The following TENM2 variants were observed in gnomAD, a reference collection of about 807,000 sequenced individuals.
TENM2 encodes the protein teneurin transmembrane protein 2.
TENM2 carries 52 observed loss-of-function variants against 245.2 expected under a neutral mutation model. That is an observed-to-expected ratio of 0.21 (90% confidence interval 0.17 to 0.27). TENM2 has a LOEUF of 0.27. TENM2 is among the 10% of genes least tolerant of loss of function. TENM2 has a pLI of 1.00. For missense variants in TENM2, 3,046 were observed against 3,666.8 expected, an observed-to-expected ratio of 0.83 and a Z score of 4.37; for synonymous variants, 1,363 against 1,438.9, an observed-to-expected ratio of 0.95 and a Z score of 1.19.
intron 26 of TENM2, among the ~76,000 whole-genome samples, chr5:168,245,574 A>T (rs11134496): frequency 0.13 from 6,814 of 51,620 alleles, 213 homozygotes; most frequent in African/African-American, 0.18. Context: ...AGTGGCGGTA[A>T]AAAAAAAAAA....
At chr5:168,142,090 T>G (rs1755601655) in intron 12 of TENM2, among the ~76,000 whole-genome samples, 2 of 152,188 alleles carry the variant, frequency 1.3e-5, no homozygotes. Context: ...AGAGAAAGAA[T>G]GTCCATTCAA....
chr5:167,755,344 G>T (rs1762240638), intron 2 of TENM2, among the ~76,000 whole-genome samples: 1 of 151,860 alleles, frequency 6.6e-6, no homozygotes, highest in Non-Finnish European at 1.5e-5. Context: ...CACCGCAGTT[G>T]TCTTAACAGT....
the TENM2 span, among the ~76,000 whole-genome samples, chr5:167,261,088 T>G: frequency 6.6e-6 from 1 of 152,160 alleles, no homozygotes; most frequent in African/African-American, 2.4e-5. Flanking sequence ...ACTTGGAAAT[T>G]TGTTAGAAAT....
At chr5:167,640,213 A>G (rs1193464393) in intron 2 of TENM2, among the ~76,000 whole-genome samples, 1 of 152,200 alleles carries the variant, frequency 6.6e-6, no homozygotes, top group South Asian at 2.1e-4. Context: ...CAAGTCACGT[A>G]ACCTCCCCGG....
chr5:167,555,851 C>T (rs1182231462), intron 2 of TENM2, among the ~76,000 whole-genome samples: 4 of 152,040 alleles, frequency 2.6e-5, no homozygotes, highest in Admixed American at 6.6e-5. Context: ...TGAGCTTGGT[C>T]GAGCCTTTTC....
chr5:167,421,549 C>A (rs192514902), intron 2 of TENM2, among the ~76,000 whole-genome samples: 1 of 152,194 alleles, frequency 6.6e-6, no homozygotes, highest in African/African-American at 2.4e-5. Flanking sequence ...TGTGGAGATA[C>A]GTTCAATGGG....
intron 4 of TENM2, among the ~76,000 whole-genome samples, chr5:167,954,624 G>T (rs1378314080): frequency 6.6e-6 from 1 of 151,866 alleles, no homozygotes; most frequent in Non-Finnish European, 1.5e-5. Context: ...CTAGGCCCCT[G>T]CCCCCTCACA....
intron 2 of TENM2, among the ~76,000 whole-genome samples, chr5:167,422,209 A>G (rs185342018): frequency 6.6e-6 from 1 of 152,350 alleles, no homozygotes; most frequent in East Asian, 1.9e-4. Context: ...TTCGACAAAT[A>G]GCACAATTAT....
At chr5:167,594,287 A>T (rs1353909135) in intron 2 of TENM2, among the ~76,000 whole-genome samples, 1 of 152,220 alleles carries the variant, frequency 6.6e-6, no homozygotes, top group Non-Finnish European at 1.5e-5. Context: ...GATAGATAAC[A>T]TCAGACTTTG....
chr5:168,155,717 C>T (rs1219153053), intron 12 of TENM2, among the ~76,000 whole-genome samples: 1 of 151,742 alleles, frequency 6.6e-6, no homozygotes, highest in Non-Finnish European at 1.5e-5. Flanking sequence ...AGAGAAATGA[C>T]CTACACTTCA....
intron 10 of TENM2, among the ~76,000 whole-genome samples, chr5:168,120,374 G>A (rs1210135644): frequency 6.6e-6 from 1 of 152,196 alleles, no homozygotes; most frequent in Non-Finnish European, 1.5e-5. Flanking sequence ...TGGATTGCAG[G>A]AGGCAAAGCT....
At chr5:167,302,205 G>A (rs1267108893) in intron 1 of TENM2, among the ~76,000 whole-genome samples, 1 of 152,166 alleles carries the variant, frequency 6.6e-6, no homozygotes, top group Admixed American at 6.5e-5. Flanking sequence ...AAAATGGAAA[G>A]TGCCATTTTC....
chr5:167,536,959 G>C (rs1771890026), intron 2 of TENM2, among the ~76,000 whole-genome samples: 3 of 152,070 alleles, frequency 2.0e-5, no homozygotes. Context: ...GGGAGGTGGA[G>C]GTTGCAGTGA....
chr5:167,707,987 A>G (rs548443356), intron 2 of TENM2, among the ~76,000 whole-genome samples: 17 of 152,172 alleles, frequency 1.1e-4, no homozygotes, highest in Non-Finnish European at 2.1e-4. Context: ...TGGTCCAAGC[A>G]TTTGTTGGGT....
the TENM2 span, among the ~76,000 whole-genome samples, chr5:167,079,258 CAT>C: frequency 0.033 from 4,690 of 140,704 alleles, 98 homozygotes; most frequent in South Asian, 0.09. Context: ...TATATACATC[CAT>C]ATATATATAT....
intron 5 of TENM2, among the ~76,000 whole-genome samples, chr5:168,029,613 T>C (rs965049283): frequency 6.6e-6 from 1 of 152,204 alleles, no homozygotes; most frequent in Non-Finnish European, 1.5e-5. Context: ...ACTGTGCACC[T>C]GCTTCAGGTC....
chr5:167,496,434 A>G (rs1562002693), intron 2 of TENM2, among the ~76,000 whole-genome samples: 2 of 152,112 alleles, frequency 1.3e-5, no homozygotes, highest in African/African-American at 4.8e-5. Flanking sequence ...CTGAACAACA[A>G]CAATCAGTTA....
the TENM2 span, among the ~76,000 whole-genome samples, chr5:167,064,000 T>G: frequency 2.0e-5 from 3 of 152,168 alleles, no homozygotes; most frequent in Non-Finnish European, 4.4e-5. Flanking sequence ...TATCAGGAGA[T>G]CAAACGTTGG....
rs754241249 is a variant in TENM2 at position 167,592,457 on chromosome 5, G to A, written c.502+216984G>A. On this transcript the variant is annotated intron_variant, in intron 2 of 28. Coordinates refer to ENST00000518659, the Ensembl canonical transcript of TENM2. ...TTCTAAACTGGGTTATTTATAGGAT[G>A]CAACTTAAGAGAACAAGGCAGCCCA... 2.7e-4 allele frequency among the ~76,000 whole-genome samples: 41 copies of A among 152,272 alleles called. No individual in the cohort carries two copies. In the Middle Eastern group the frequency reaches 0.01, roughly 38 times the overall value.
Sources: gnomAD v4.1 joint callset for allele counts (sites outside exome capture counted in the v4.1 genomes callset) on GRCh38, gnomAD v4.1.1 for gene constraint, MANE v1.5 for transcripts, NCBI Gene and HGNC (gene_info 2026-07-23, HGNC 2026-07-21) for gene names.